CACNA2D4: variants seen among roughly 807,000 people sequenced by gnomAD.
CACNA2D4 encodes calcium voltage-gated channel auxiliary subunit alpha2delta 4, also known as voltage-dependent calcium channel subunit alpha-2/delta-4.
A neutral mutation model predicts 163.8 loss-of-function variants in CACNA2D4; 157 were observed. The ratio of observed to expected loss-of-function variants is 0.96; its 90% CI spans 0.84 to 1.09. CACNA2D4 has a LOEUF of 1.09. CACNA2D4 is among the 50% of genes least tolerant of loss of function. The pLI is 0.00. For missense variants in CACNA2D4, 1,410 were observed against 1,479.9 expected (o/e 0.95, Z 0.78); for synonymous variants, 598 against 586.9 (o/e 1.02, Z -0.27).
intron 26 of CACNA2D4, among the ~76,000 whole-genome samples, chr12:1,825,776 C>T (rs530412909): frequency 6.6e-6 from 1 of 152,344 alleles, no homozygotes; most frequent in South Asian, 2.1e-4. Context: ...AGGGCCACTG[C>T]TGGGTGACAG....
intron 29 of CACNA2D4, among the ~76,000 whole-genome samples, chr12:1,804,841 C>T (rs1863475532): frequency 6.6e-6 from 1 of 152,242 alleles, no homozygotes; most frequent in Admixed American, 6.5e-5. Flanking sequence ...CCCAGGCTGC[C>T]TTCATCCATT....
intron 34 of CACNA2D4, chr12:1,797,751 C>T (rs1307510084): frequency 8.4e-6 from 5 of 596,716 alleles, no homozygotes; most frequent in Admixed American, 5.9e-5. Flanking sequence ...CGGGGAGCGC[C>T]GCAGGGGCCC....
intron 2 of CACNA2D4, among the ~76,000 whole-genome samples, chr12:1,913,725 T>A: frequency 6.6e-6 from 1 of 152,212 alleles, no homozygotes; most frequent in South Asian, 2.1e-4. Flanking sequence ...GTTTGGGTTT[T>A]CTCTCTGGGC....
chr12:1,795,921 C>T, intron 35 of CACNA2D4, 141 bp from the exon 36 acceptor site: 1 of 663,714 alleles, frequency 1.5e-6, no homozygotes, highest in Non-Finnish European at 2.7e-6. Context: ...GTCGGGGCAG[C>T]TAAGGGAACG....
At chr12:1,861,358 A>C (rs964043865) in intron 18 of CACNA2D4, among the ~76,000 whole-genome samples, 1 of 152,058 alleles carries the variant, frequency 6.6e-6, no homozygotes, top group Non-Finnish European at 1.5e-5. Context: ...GATGTCCTGG[A>C]AGATGTCTTG....
chr12:1,831,487 G>A (rs757724878), intron 26 of CACNA2D4: 24 of 1,613,738 alleles, frequency 1.5e-5, no homozygotes, highest in South Asian at 6.6e-5. Flanking sequence ...TGTAACCTGC[G>A]TGAGTTCAAA....
chr12:1,889,260 G>A (rs1866222224), intron 6 of CACNA2D4, among the ~76,000 whole-genome samples: 1 of 152,138 alleles, frequency 6.6e-6, no homozygotes, highest in Admixed American at 6.5e-5. Context: ...GAATGATATG[G>A]GAAAAACATC....
intron 13 of CACNA2D4, among the ~76,000 whole-genome samples, chr12:1,882,615 C>T (rs567441967): frequency 4.6e-5 from 7 of 152,200 alleles, no homozygotes; most frequent in Non-Finnish European, 8.8e-5. Context: ...GGACCCTGTC[C>T]GTGGAGAGCA....
chr12:1,900,603 C>G (rs995148765), intron 6 of CACNA2D4, among the ~76,000 whole-genome samples: 4 of 152,082 alleles, frequency 2.6e-5, no homozygotes, highest in Admixed American at 6.5e-5. Flanking sequence ...AATTCCATTC[C>G]TTGAATGTCA....
intron 6 of CACNA2D4, among the ~76,000 whole-genome samples, chr12:1,893,682 A>C (rs1034330542): frequency 1.3e-5 from 2 of 152,212 alleles, no homozygotes; most frequent in Non-Finnish European, 2.9e-5. Context: ...GAAGAAATTA[A>C]GGAGGAAATT....
In CACNA2D4 at chr12:1,828,468, C is replaced by CCT. The variant is rs1159520317; in HGVS notation, c.2551+12269_2551+12270dup. Among the ~76,000 whole-genome samples the CCT allele has an allele frequency of 1.3e-5, 2 of 152,220 alleles. No individual in the cohort carries two copies. Among genetic ancestry groups the CCT allele is most frequent in the Non-Finnish European group, 2.9e-5 (2 of 68,028 alleles). On this transcript the variant is annotated intron_variant, in intron 26 of 37. Transcript: ENST00000382722. The surrounding 1 kb of genome is among the most constrained non-coding windows in gnomAD (Gnocchi z 4.2). ...GCTGGAGGCCACGACAGTTGTTCTA[C>CCT]CTCCCCCAGGTAAGTCTCTGTGAGC...
intron 24 of CACNA2D4, among the ~76,000 whole-genome samples, chr12:1,846,080 G>C (rs1007129644): frequency 6.6e-6 from 1 of 152,142 alleles, no homozygotes; most frequent in Non-Finnish European, 1.5e-5. Flanking sequence ...GGAGTGGGTG[G>C]CTCAAGAAGG....
At chr12:1,890,926 G>C (rs1240990579) in intron 6 of CACNA2D4, among the ~76,000 whole-genome samples, 1 of 152,184 alleles carries the variant, frequency 6.6e-6, no homozygotes, top group Non-Finnish European at 1.5e-5. Flanking sequence ...CCACTGTCCT[G>C]GGGACTGAAC....
intron 26 of CACNA2D4, among the ~76,000 whole-genome samples, chr12:1,826,377 C>T (rs1409617436): frequency 2.0e-5 from 3 of 148,016 alleles, no homozygotes; most frequent in Non-Finnish European, 3.0e-5. Flanking sequence ...GTTTAAAGAA[C>T]GGACCAGAGA....
chr12:1,833,298 G>A lies in CACNA2D4; in HGVS notation c.2551+7441C>T, dbSNP rs1261569036. On this transcript the variant is annotated intron_variant, in intron 26 of 37. Coordinates refer to ENST00000382722, the MANE Select transcript of CACNA2D4 (RefSeq NM_172364.5). This position sits in a 1 kb window ranked among gnomAD's most constrained non-coding sequence, Gnocchi z 4.2. ...CTGCAGCCCGCATCTTTTCGGCAGG[G>A]GGTCTAGTGCCTGCATCCAGATTTC... Among the ~76,000 whole-genome samples the A allele has an allele frequency of 6.6e-6, 1 of 152,176 alleles. No individual in the cohort carries two copies.
chr12:1,846,096 C>G (rs528857816), intron 24 of CACNA2D4, among the ~76,000 whole-genome samples: 1 of 152,064 alleles, frequency 6.6e-6, no homozygotes, highest in South Asian at 2.1e-4. Flanking sequence ...GAAGGCACTG[C>G]GGGGTGAGCA....
intron 26 of CACNA2D4, chr12:1,827,837 C>G: frequency 5.8e-6 from 2 of 344,210 alleles, no homozygotes; most frequent in Non-Finnish European, 1.0e-5. Context: ...GGTGCACCCC[C>G]AGCTTTGCGG....
At chr12:1,795,523 G>A (rs1199379435) in intron 36 of CACNA2D4, 142 bp from the exon 37 acceptor site, 2 of 956,720 alleles carry the variant, frequency 2.1e-6, no homozygotes, top group Non-Finnish European at 1.6e-6. Flanking sequence ...CGGGGCCCAG[G>A]GAAGGGTTAG....
chr12:1,896,606 AACACACACACACACACACAC>A (rs61535168), intron 6 of CACNA2D4, among the ~76,000 whole-genome samples: 13 of 130,720 alleles, frequency 9.9e-5, no homozygotes, highest in African/African-American at 2.8e-4. Flanking sequence ...GCTATTAATA[AACACACACACACACACACAC>A]ACACACACAC....
Sources: allele counts gnomAD v4.1 joint callset (sites outside exome capture counted in the v4.1 genomes callset), GRCh38; gene constraint gnomAD v4.1.1; non-coding constraint Gnocchi (gnomAD v3.1); transcripts MANE v1.5; gene names NCBI Gene and HGNC (gene_info 2026-07-23, HGNC 2026-07-21).